Variants in RALYL observed in about 807,000 individuals in gnomAD.
RALYL encodes RALY RNA binding protein like.
Under a neutral mutation model 35.1 loss-of-function variants are expected in RALYL, and 29 were observed. The observed-to-expected ratio is 0.83, with a 90% CI of 0.61 to 1.13. RALYL has a LOEUF of 1.13. Among genes scored for constraint, RALYL ranks in the 50% most tolerant of loss-of-function variants. RALYL has a pLI of 0.00. For missense variants in RALYL, 359 were observed against 360.4 expected (o/e 1.00, Z 0.03); for synonymous variants, 120 against 127.6 (o/e 0.94, Z 0.40).
chr8:84,699,029 GAT>G (rs59801276), intron 2 of RALYL, among the ~76,000 whole-genome samples: 3,074 of 152,032 alleles, frequency 0.02, 116 homozygotes, highest in African/African-American at 0.07. Flanking sequence ...TAGATAGATA[GAT>G]AGATAGATAG....
At chr8:84,346,413 T>C (rs1331049443) in intron 1 of RALYL, among the ~76,000 whole-genome samples, 1 of 152,180 alleles carries the variant, frequency 6.6e-6, no homozygotes, top group Non-Finnish European at 1.5e-5. Flanking sequence ...TACATATGTA[T>C]TGCATGAATT....
At chr8:84,455,184 G>T (rs754336773) in intron 1 of RALYL, among the ~76,000 whole-genome samples, 4 of 151,950 alleles carry the variant, frequency 2.6e-5, no homozygotes, top group Non-Finnish European at 5.9e-5. Context: ...TCCTTTGATT[G>T]TTCAGCTAAT....
intron 4 of RALYL, among the ~76,000 whole-genome samples, chr8:84,819,141 T>A (rs1563674757): frequency 6.6e-6 from 1 of 152,182 alleles, no homozygotes; most frequent in Admixed American, 6.5e-5. Flanking sequence ...GCGTTTTTTT[T>A]AAGACTCAGA....
intron 2 of RALYL, among the ~76,000 whole-genome samples, chr8:84,619,893 C>G (rs1161325573): frequency 6.6e-6 from 1 of 150,658 alleles, no homozygotes; most frequent in Non-Finnish European, 1.5e-5. Context: ...GTTGAAAATT[C>G]TTTTCTTTAA....
chr8:84,204,300 T>C (rs1190086966), intron 1 of RALYL, among the ~76,000 whole-genome samples: 1 of 152,010 alleles, frequency 6.6e-6, no homozygotes, highest in East Asian at 1.9e-4. Flanking sequence ...CTTTTTATCA[T>C]TGGATTAAAA....
intron 1 of RALYL, among the ~76,000 whole-genome samples, chr8:84,310,314 C>T (rs1422536756): frequency 1.3e-5 from 2 of 151,844 alleles, no homozygotes; most frequent in African/African-American, 4.8e-5. Context: ...GCTGGGATTA[C>T]AGGCATGAGC....
chr8:84,544,865 A>G (rs1290469623), intron 2 of RALYL, among the ~76,000 whole-genome samples: 2 of 152,006 alleles, frequency 1.3e-5, no homozygotes, highest in Admixed American at 6.5e-5. Context: ...ATTTTTCCCC[A>G]TCTGATGGAT....
At chr8:84,552,119 GTTTTTT>G (rs35344751) in intron 2 of RALYL, among the ~76,000 whole-genome samples, 2 of 142,432 alleles carry the variant, frequency 1.4e-5, no homozygotes, top group South Asian at 2.2e-4. Flanking sequence ...AGGAGAGGAA[GTTTTTT>G]TTTTTTTTGA....
intron 4 of RALYL, among the ~76,000 whole-genome samples, chr8:84,812,931 G>A (rs1248035582): frequency 6.6e-6 from 1 of 152,162 alleles, no homozygotes; most frequent in Non-Finnish European, 1.5e-5. Context: ...TTGGCTAGGA[G>A]GCTTCTTGCC....
At chr8:84,239,882 C>T (rs1490604262) in intron 1 of RALYL, among the ~76,000 whole-genome samples, 2 of 151,962 alleles carry the variant, frequency 1.3e-5, no homozygotes, top group Non-Finnish European at 2.9e-5. Flanking sequence ...CAGAGTGAGA[C>T]TCCATCTCAA....
chr8:84,340,497 C>G (rs1438401233), intron 1 of RALYL, among the ~76,000 whole-genome samples: 1 of 152,048 alleles, frequency 6.6e-6, no homozygotes, highest in Non-Finnish European at 1.5e-5. Context: ...AAGACTTTGA[C>G]TATTTTAGAT....
At chr8:84,418,876 A>ATTT (rs146663906) in intron 1 of RALYL, among the ~76,000 whole-genome samples, 37 of 151,372 alleles carry the variant, frequency 2.4e-4, no homozygotes, top group African/African-American at 9.0e-4. Context: ...ATTTCTTTGG[A>ATTT]TTTTTTTTTC....
intron 1 of RALYL, among the ~76,000 whole-genome samples, chr8:84,492,347 C>T (rs1183585320): frequency 6.6e-6 from 1 of 151,996 alleles, no homozygotes; most frequent in Non-Finnish European, 1.5e-5. Context: ...TATAGCAAAG[C>T]TTTTAAAAGA....
At chr8:84,382,073 GT>G (rs1297606772) in intron 1 of RALYL, among the ~76,000 whole-genome samples, 2 of 151,010 alleles carry the variant, frequency 1.3e-5, no homozygotes, top group South Asian at 4.2e-4. Flanking sequence ...AATTTATTTG[GT>G]TTTCTATTGC....
intron 1 of RALYL, among the ~76,000 whole-genome samples, chr8:84,516,277 C>T (rs1231466710): frequency 1.3e-5 from 2 of 151,842 alleles, no homozygotes; most frequent in African/African-American, 4.8e-5. Context: ...ATATTTCATC[C>T]ATGCACTTAA....
chr8:84,543,420 A>G (rs1044403131), intron 2 of RALYL, among the ~76,000 whole-genome samples: 2 of 152,012 alleles, frequency 1.3e-5, no homozygotes, highest in South Asian at 4.1e-4. Flanking sequence ...ATCACTTTAC[A>G]AAATCTCACA....
chr8:84,539,728 T>C (rs1029826783), intron 2 of RALYL, among the ~76,000 whole-genome samples: 5 of 151,362 alleles, frequency 3.3e-5, no homozygotes, highest in African/African-American at 1.2e-4. Context: ...GATTCACTCA[T>C]TTCCATGTGA....
At chr8:84,763,512 G>A (rs891670004) in intron 2 of RALYL, among the ~76,000 whole-genome samples, 13 of 152,224 alleles carry the variant, frequency 8.5e-5, no homozygotes, top group African/African-American at 2.2e-4. Flanking sequence ...TGTATTCACC[G>A]TTGATGTCAA....
At chr8:84,361,708 G>A (rs1291529139) in intron 1 of RALYL, among the ~76,000 whole-genome samples, 1 of 152,106 alleles carries the variant, frequency 6.6e-6, no homozygotes, top group Non-Finnish European at 1.5e-5. Context: ...AAGGCTGGAG[G>A]TAGGGGAAAT....
Sources: allele counts gnomAD v4.1 joint callset (sites outside exome capture counted in the v4.1 genomes callset), GRCh38; gene constraint gnomAD v4.1.1; transcripts MANE v1.5; gene names NCBI Gene and HGNC (gene_info 2026-07-23, HGNC 2026-07-21).